The following SCFD2 variants were observed in gnomAD, a reference collection of about 807,000 sequenced individuals.
SCFD2 encodes sec1 family domain containing 2, also known as sec1 family domain-containing protein 2.
SCFD2 carries 54 observed loss-of-function variants against 58.9 expected under a neutral mutation model. That is an observed-to-expected ratio of 0.92 (90% CI 0.74 to 1.15). SCFD2 has a LOEUF of 1.15. Ranked by LOEUF, SCFD2 falls within the 50% of genes most tolerant of loss-of-function variation. The probability of loss-of-function intolerance (pLI) is 0.00; values close to 1 mark genes in which losing one functional copy is unlikely to be tolerated. For missense variants in SCFD2, 805 were observed against 836.6 expected (o/e 0.96, Z 0.47); for synonymous variants, 321 against 335.9 (o/e 0.96, Z 0.49).
intron 3 of SCFD2, among the ~76,000 whole-genome samples, chr4:53,298,265 A>G (rs1393750148): frequency 1.3e-5 from 2 of 152,132 alleles, no homozygotes; most frequent in African/African-American, 2.4e-5. Flanking sequence ...TGCTTTTCCA[A>G]TGGGCTTATC....
chr4:53,097,553 G>A (rs1183758662), intron 5 of SCFD2, among the ~76,000 whole-genome samples: 1 of 152,052 alleles, frequency 6.6e-6, no homozygotes, highest in Non-Finnish European at 1.5e-5. Context: ...TGTGATTTTT[G>A]CACATTGATT....
At chr4:53,098,720 C>G (rs375503025) in intron 5 of SCFD2, among the ~76,000 whole-genome samples, 1 of 152,016 alleles carries the variant, frequency 6.6e-6, no homozygotes, top group Non-Finnish European at 1.5e-5. Flanking sequence ...CTATTTAATA[C>G]TTCCTACATG....
intron 4 of SCFD2, among the ~76,000 whole-genome samples, chr4:53,196,530 A>G (rs1728061726): frequency 6.6e-6 from 1 of 152,146 alleles, no homozygotes; most frequent in Non-Finnish European, 1.5e-5. Flanking sequence ...CCAGGCAAAG[A>G]CCATTCGCGA....
intron 4 of SCFD2, among the ~76,000 whole-genome samples, chr4:53,181,900 C>T (rs921354349): frequency 1.7e-4 from 26 of 152,142 alleles, no homozygotes; most frequent in African/African-American, 6.0e-4. Context: ...CTCCCACTCA[C>T]AATTGCTTCA....
intron 5 of SCFD2, among the ~76,000 whole-genome samples, chr4:52,986,491 ATTTTTTTTT>A (rs369944739): frequency 3.5e-5 from 3 of 84,924 alleles, no homozygotes; most frequent in African/African-American, 9.4e-5. Flanking sequence ...TCTTCATGAA[ATTTTTTTTT>A]TTTTTTTTTT....
chr4:52,978,555 T>A (rs1335405009), intron 5 of SCFD2, among the ~76,000 whole-genome samples: 4 of 152,222 alleles, frequency 2.6e-5, no homozygotes, highest in Middle Eastern at 6.3e-3. Flanking sequence ...ATTACTGTTA[T>A]TATAAAATAA....
intron 7 of SCFD2, among the ~76,000 whole-genome samples, chr4:52,898,099 A>G (rs1311859939): frequency 5.3e-5 from 8 of 152,156 alleles, no homozygotes; most frequent in Non-Finnish European, 1.2e-4. Flanking sequence ...TTTTCAAAAA[A>G]CCAGCTCCTG....
intron 7 of SCFD2, among the ~76,000 whole-genome samples, chr4:52,900,915 G>A (rs1191461562): frequency 2.0e-5 from 3 of 152,160 alleles, no homozygotes; most frequent in African/African-American, 4.8e-5. Context: ...TGAGGGAGAG[G>A]CTCCGCGGGC....
chr4:53,124,677 C>A (rs929769700), intron 5 of SCFD2, among the ~76,000 whole-genome samples: 10 of 152,318 alleles, frequency 6.6e-5, no homozygotes, highest in Admixed American at 3.3e-4. Context: ...CATTAGCTAA[C>A]ATCCTAGAAC....
At chr4:53,030,170 C>G (rs571186035) in intron 5 of SCFD2, among the ~76,000 whole-genome samples, 1 of 152,182 alleles carries the variant, frequency 6.6e-6, no homozygotes, top group African/African-American at 2.4e-5. Flanking sequence ...AATATTTGAA[C>G]TGATACTTTA....
chr4:53,214,452 T>G (rs527706536), intron 4 of SCFD2, among the ~76,000 whole-genome samples: 3 of 152,270 alleles, frequency 2.0e-5, no homozygotes, highest in African/African-American at 7.2e-5. Context: ...CATAAATGTC[T>G]TCTTTTGAGA....
At chr4:53,349,096 T>C (rs1463465754) in intron 2 of SCFD2, among the ~76,000 whole-genome samples, 3 of 152,142 alleles carry the variant, frequency 2.0e-5, no homozygotes, top group Non-Finnish European at 2.9e-5. Context: ...GCAAAGACCA[T>C]GGAGACAAAA....
In SCFD2 at chr4:53,233,887, A is replaced by C. The variant is rs545120059; in HGVS notation, c.1311+39939T>G. Reference sequence around the variant, plus strand: ...AATTAAAAGCTTACTGAGGAGTAAAACTCAAGATAAAAATTTAACGTGAAT... The same window carrying C: ...AATTAAAAGCTTACTGAGGAGTAAACCTCAAGATAAAAATTTAACGTGAAT... On this transcript the variant is annotated intron_variant, in intron 4 of 8. Coordinates refer to ENST00000401642, the MANE Select transcript of SCFD2 (RefSeq NM_152540.4). Among the ~76,000 whole-genome samples the C allele has an allele frequency of 4.6e-4, 70 of 152,276 alleles. 1 individual carries two copies. The highest frequency in any genetic ancestry group is 3.9e-4 in the Admixed American group (6 of 15,294).
intron 5 of SCFD2, among the ~76,000 whole-genome samples, chr4:53,020,624 A>C (rs1313253893): frequency 1.3e-5 from 2 of 152,162 alleles, no homozygotes; most frequent in Non-Finnish European, 2.9e-5. Flanking sequence ...CAGAGACTAG[A>C]TAGCTGTTCA....
chr4:53,229,471 T>TCTA (rs1294679879), intron 4 of SCFD2, among the ~76,000 whole-genome samples: 2 of 152,142 alleles, frequency 1.3e-5, no homozygotes, highest in African/African-American at 4.8e-5. Flanking sequence ...ATGCCATGTA[T>TCTA]CTACAACTAT....
At chr4:53,256,865 G>C (rs1730655911) in intron 4 of SCFD2, among the ~76,000 whole-genome samples, 2 of 142,390 alleles carry the variant, frequency 1.4e-5, no homozygotes, top group African/African-American at 5.2e-5. Context: ...GAAAGAGAGG[G>C]AGAGGGAGAC....
intron 5 of SCFD2, among the ~76,000 whole-genome samples, chr4:52,958,823 T>C (rs1191716991): frequency 5.9e-5 from 9 of 151,894 alleles, no homozygotes; most frequent in Admixed American, 3.3e-4. Context: ...TACAGGTAAA[T>C]ACGTTTCAAA....
intron 5 of SCFD2, among the ~76,000 whole-genome samples, chr4:53,035,611 A>T (rs1722735742): frequency 6.6e-6 from 1 of 152,222 alleles, no homozygotes; most frequent in Admixed American, 6.5e-5. Context: ...TCTACAAAGA[A>T]CTTCAACAAA....
At chr4:52,997,863 G>A (rs1721779712) in intron 5 of SCFD2, among the ~76,000 whole-genome samples, 1 of 152,166 alleles carries the variant, frequency 6.6e-6, no homozygotes. Context: ...TTGGCATGGT[G>A]CTAAAAATAT....
Sources: allele counts gnomAD v4.1 joint callset (sites outside exome capture counted in the v4.1 genomes callset), GRCh38; gene constraint gnomAD v4.1.1; transcripts MANE v1.5; gene names NCBI Gene and HGNC (gene_info 2026-07-23, HGNC 2026-07-21).